Variants in KANK2 observed in about 807,000 individuals in gnomAD.
KANK2 encodes KN motif and ankyrin repeat domain-containing protein 2.
KANK2 carries 41 observed loss-of-function variants against 74.6 expected under a neutral mutation model. The observed-to-expected ratio is 0.55, with a 90% confidence interval of 0.43 to 0.71. The LOEUF (loss-of-function observed/expected upper bound fraction) is 0.71. KANK2 is among the 30% of genes least tolerant of loss of function. The pLI, the probability that KANK2 is intolerant of heterozygous loss-of-function variation, is 0.00. For synonymous variants in KANK2, 537 were observed against 519.0 expected, an observed-to-expected ratio of 1.03 and a Z score of -0.47; for missense variants, 1,148 against 1,196.4, an observed-to-expected ratio of 0.96 and a Z score of 0.60.
intron 4 of KANK2, among the ~76,000 whole-genome samples, chr19:11,187,375 T>G (rs1357934139): frequency 1.6e-4 from 24 of 152,032 alleles, no homozygotes; most frequent in Non-Finnish European, 4.4e-5. Context: ...AGAAAGAGAT[T>G]TTTTTCTGAA....
At chr19:11,191,134 G>A (rs1270553760) in intron 4 of KANK2, among the ~76,000 whole-genome samples, 2 of 150,942 alleles carry the variant, frequency 1.3e-5, no homozygotes, top group Non-Finnish European at 3.0e-5. Flanking sequence ...TCCGCCTCCC[G>A]GGTTCAAGCG....
intron 10 of KANK2, among the ~76,000 whole-genome samples, chr19:11,171,315 C>T (rs900606644): frequency 6.6e-6 from 1 of 151,958 alleles, no homozygotes; most frequent in East Asian, 1.9e-4. Context: ...GGCATGGTGC[C>T]GCACGCTTGC....
intron 9 of KANK2, among the ~76,000 whole-genome samples, chr19:11,173,991 G>A (rs994350189): frequency 6.6e-5 from 10 of 151,750 alleles, no homozygotes; most frequent in African/African-American, 2.4e-4. Context: ...TGGGAGGGTG[G>A]TGCCCCCCCC....
At chr19:11,176,867 A>G (rs760741656) in intron 6 of KANK2, 50 bp from the exon 7 acceptor site, 3 of 1,483,742 alleles carry the variant, frequency 2.0e-6, no homozygotes, top group Non-Finnish European at 2.7e-6. Flanking sequence ...GGGATGAGAA[A>G]TGGTGGGAAA....
intron 8 of KANK2, among the ~76,000 whole-genome samples, chr19:11,175,134 C>A (rs1037464394): frequency 6.6e-6 from 1 of 151,622 alleles, no homozygotes; most frequent in African/African-American, 2.4e-5. Flanking sequence ...ATTTTTAAAA[C>A]AATTTGTAGA....
chr19:11,182,546 C>CAA (rs1283116719), intron 4 of KANK2, among the ~76,000 whole-genome samples: 4 of 119,654 alleles, frequency 3.3e-5, no homozygotes, highest in African/African-American at 8.8e-5. Context: ...AACAAAAAAA[C>CAA]AAAACAAAAC....
At chr19:11,167,668 C>T (rs1182200197) in intron 12 of KANK2, among the ~76,000 whole-genome samples, 1 of 151,926 alleles carries the variant, frequency 6.6e-6, no homozygotes, top group Admixed American at 6.6e-5. Flanking sequence ...TCTGGGATTA[C>T]AGGTGCCCAC....
intron 10 of KANK2, among the ~76,000 whole-genome samples, chr19:11,172,240 G>A (rs754855978): frequency 6.6e-6 from 1 of 152,120 alleles, no homozygotes; most frequent in African/African-American, 2.4e-5. Context: ...GCCTCCCACA[G>A]TGCTGGGATT....
rs1600805961 is a variant in KANK2 at position 11,170,364 on chromosome 19, T to G, written c.2212-116A>C. On this transcript the variant is annotated intron_variant, in intron 10 of 12. Transcript: ENST00000586659. The surrounding 1 kb of genome is among the most constrained non-coding windows in gnomAD (Gnocchi z 5.2). ...CTGATGGTGAAATGTACCCTCAACT[T>G]GCTGATCTCCTCCTGAATCTCAAAC... is the stretch of plus-strand genomic sequence containing the variant. The G allele has an allele frequency of 1.3e-6, 1 of 754,246 alleles. No individual in the cohort carries two copies. Among genetic ancestry groups the G allele is most frequent in the East Asian group, 2.7e-5 (1 of 37,320 alleles). 46.7% of individuals were successfully genotyped at this position (754,246 alleles called of 1,614,324 possible).
At chr19:11,192,783 G>T (rs1028219817) in intron 4 of KANK2, 48 bp downstream of exon 4, 1 of 1,389,840 alleles carries the variant, frequency 7.2e-7, no homozygotes, top group Admixed American at 2.0e-5. Flanking sequence ...GAAGAAAGAG[G>T]CCCCCCCCCC....
rs750119463 is a variant in KANK2 at position 11,193,470 on chromosome 19, C to T, written c.610G>A (p.Glu204Lys). ...GALRKLRQLE[E>K]QVKLIPVLQV... Reference sequence around the variant, plus strand: ...AGCACAGGGATCAGCTTCACCTGCTCCTCCAGCTGCCGCAGCTTCCGCAGG... The same window carrying T: ...AGCACAGGGATCAGCTTCACCTGCTTCTCCAGCTGCCGCAGCTTCCGCAGG... The change falls in exon 4 of 13, where the codon GAG becomes AAG. Residue 204 changes from glutamate (E) to lysine (K), a missense_variant. By Grantham distance (56) the Glu-to-Lys change is moderately conservative. Transcript: ENST00000586659. The surrounding 1 kb of genome is among the most constrained non-coding windows in gnomAD (Gnocchi z 9.6). The T allele has an allele frequency of 5.0e-6, 8 of 1,611,552 alleles. No homozygotes were observed. The highest frequency in any genetic ancestry group is 2.2e-5 in the East Asian group (1 of 44,888).
Position 11,178,674 on chromosome 19 carries a change from G to C in KANK2, c.1296C>G (p.Ser432=), listed in dbSNP as rs140982088. Reference sequence around the variant, plus strand: ...CAGGCTGTGTAAGGGAGGCTACCTCGGACCCCGGGGGTGACGAAGACGATT... The same window carrying C: ...CAGGCTGTGTAAGGGAGGCTACCTCCGACCCCGGGGGTGACGAAGACGATT... ...PAESSSSPPG[S]EVASLTQPEK... is the part of the protein sequence containing the mutation. Residue 432 remains serine, a synonymous_variant, in exon 5 of 13, where the codon TCC becomes TCG. Coordinates refer to ENST00000586659, the MANE Select transcript of KANK2 (RefSeq NM_001136191.3). The C allele has an allele frequency of 1.5e-5, 23 of 1,544,428 alleles. No homozygotes were observed. Among genetic ancestry groups the C allele is most frequent in the Admixed American group, 4.5e-5 (2 of 44,060 alleles).
At chr19:11,179,364 C>G in intron 4 of KANK2, among the ~76,000 whole-genome samples, 1 of 149,224 alleles carries the variant, frequency 6.7e-6, no homozygotes, top group Non-Finnish European at 1.5e-5. Flanking sequence ...GGTGGCCAGG[C>G]ACAGTGGCTC....
chr19:11,182,479 C>A (rs1239300710), intron 4 of KANK2, among the ~76,000 whole-genome samples: 1 of 151,184 alleles, frequency 6.6e-6, no homozygotes, highest in Non-Finnish European at 1.5e-5. Flanking sequence ...TGAGCTATGA[C>A]AGCACTGCTG....
In KANK2 at chr19:11,193,133, TG is replaced by T; in HGVS notation, c.946del (p.Gln316ArgfsTer18). 1 of 1,607,180 alleles carries T rather than the reference TG, an allele frequency of 6.2e-7. No homozygotes were observed. ...AQARQADPQPQAWPPPDSPVR... is the reference protein window; with the variant it reads ...AQARQADPQPXAWPPPDSPVR... ...CGGGCTGTCCGGCGGTGGCCAGGCCTGGGGCTGGGGGTCAGCCTGCCGGGCC... is the reference window on the plus strand; with the variant it reads ...CGGGCTGTCCGGCGGTGGCCAGGCCTGGGCTGGGGGTCAGCCTGCCGGGCC... On this transcript the variant is annotated frameshift_variant, in exon 4 of 13. Coordinates refer to ENST00000586659, the MANE Select transcript of KANK2 (RefSeq NM_001136191.3). LOFTEE classifies it high-confidence loss of function. This position sits in a 1 kb window ranked among gnomAD's most constrained non-coding sequence, Gnocchi z 9.6.
At chr19:11,175,864 C>A (rs371300343) in intron 8 of KANK2, 38 bp downstream of exon 8, 2 of 1,548,178 alleles carry the variant, frequency 1.3e-6, no homozygotes, top group Admixed American at 1.7e-5. Context: ...GGTAGGGGTC[C>A]GGGGGGTGGC....
At position 11,170,566 on chromosome 19, in the gene KANK2, T is replaced by G. The variant is rs1305720745; in HGVS notation, c.2212-318A>C. Among the ~76,000 whole-genome samples, 1 of 152,190 alleles carries G rather than the reference T, an allele frequency of 6.6e-6. No individual in the cohort carries two copies. The highest frequency in any genetic ancestry group is 1.9e-4 in the East Asian group (1 of 5,194). ...TGGTTGCACAACAGGGTGAATGTAT[T>G]TCATGCCAGTAGTGCTTTTGGTTTT... On this transcript the variant is annotated intron_variant, in intron 10 of 12. Transcript: ENST00000586659. The surrounding 1 kb of genome is among the most constrained non-coding windows in gnomAD (Gnocchi z 5.2).
At chr19:11,187,478 AGGAATG>A (rs2078709892) in intron 4 of KANK2, among the ~76,000 whole-genome samples, 1 of 151,854 alleles carries the variant, frequency 6.6e-6, no homozygotes, top group South Asian at 2.1e-4. Flanking sequence ...GTGGTTTGTA[AGGAATG>A]GGATTAGATG....
intron 1 of KANK2, chr19:11,196,680 C>G (rs1173708533): frequency 1.3e-5 from 2 of 152,314 alleles, no homozygotes. Flanking sequence ...AGAAAGGAGA[C>G]GAGGGGGTGT....
Sources: allele counts gnomAD v4.1 joint callset (sites outside exome capture counted in the v4.1 genomes callset), GRCh38; gene constraint gnomAD v4.1.1; non-coding constraint Gnocchi (gnomAD v3.1); transcripts MANE v1.5; gene names NCBI Gene and HGNC (gene_info 2026-07-23, HGNC 2026-07-21).